Variants in ZNF277 observed in about 807,000 individuals in gnomAD.
ZNF277 encodes zinc finger protein 277, also known as nuclear receptor-interacting factor 4.
ZNF277 carries 55 observed loss-of-function variants against 60.7 expected under a neutral mutation model. That is an observed-to-expected ratio of 0.91 (90% CI 0.73 to 1.13). The LOEUF (loss-of-function observed/expected upper bound fraction) is 1.13, where lower values mean the gene tolerates loss of function less well. Ranked by LOEUF, ZNF277 falls within the 50% of genes most tolerant of loss-of-function variation. The probability of loss-of-function intolerance (pLI) is 0.00; values close to 1 mark genes in which losing one functional copy is unlikely to be tolerated. For missense variants in ZNF277, 510 were observed against 523.0 expected (o/e 0.98, Z 0.24); for synonymous variants, 178 against 179.3 (o/e 0.99, Z 0.06).
chr7:112,297,057 A>G (rs1471613293), intron 4 of ZNF277, among the ~76,000 whole-genome samples: 1 of 149,546 alleles, frequency 6.7e-6, no homozygotes, highest in Non-Finnish European at 1.5e-5. Flanking sequence ...CCTCCCGAGT[A>G]GCTGGGACTA....
At chr7:112,306,898 C>T (rs373636055) in intron 4 of ZNF277, among the ~76,000 whole-genome samples, 1 of 152,002 alleles carries the variant, frequency 6.6e-6, no homozygotes, top group Non-Finnish European at 1.5e-5. Context: ...TCAGGCCTGT[C>T]CTTACATCCA....
chr7:112,217,640 G>T (rs1286317800), intron 1 of ZNF277, among the ~76,000 whole-genome samples: 1 of 152,178 alleles, frequency 6.6e-6, no homozygotes, highest in Non-Finnish European at 1.5e-5. Context: ...GAAACAAAGA[G>T]ATAACAGCCC....
chr7:112,315,910 G>A (rs1792834683), intron 4 of ZNF277, among the ~76,000 whole-genome samples: 2 of 152,036 alleles, frequency 1.3e-5, no homozygotes, highest in Non-Finnish European at 2.9e-5. Context: ...AATGCTGCCC[G>A]ACCTCTCCAG....
At chr7:112,299,561 C>T (rs1792426631) in intron 4 of ZNF277, among the ~76,000 whole-genome samples, 3 of 152,226 alleles carry the variant, frequency 2.0e-5, no homozygotes. Context: ...TTTGAAGTCA[C>T]TCACTCTACC....
chr7:112,330,564 T>C (rs1204615570), intron 7 of ZNF277: 4 of 238,520 alleles, frequency 1.7e-5, no homozygotes, highest in African/African-American at 4.6e-5. Flanking sequence ...TTTTTTTTTT[T>C]TTTTTTTCTT....
chr7:112,235,044 AATTT>A (rs1438203407), intron 1 of ZNF277, among the ~76,000 whole-genome samples: 5 of 151,934 alleles, frequency 3.3e-5, no homozygotes, highest in African/African-American at 4.8e-5. Context: ...TGCCTGCAGA[AATTT>A]ATTTTATTCT....
chr7:112,309,712 C>T (rs972655239), intron 4 of ZNF277, among the ~76,000 whole-genome samples: 1 of 151,994 alleles, frequency 6.6e-6, no homozygotes, highest in African/African-American at 2.4e-5. Flanking sequence ...AGACTATCCT[C>T]ACTTCAAACA....
intron 1 of ZNF277, among the ~76,000 whole-genome samples, chr7:112,272,980 C>T (rs1238448422): frequency 6.6e-6 from 1 of 152,082 alleles, no homozygotes; most frequent in Non-Finnish European, 1.5e-5. Context: ...TTTTGATTTG[C>T]ATTTCTCTGA....
At chr7:112,287,309 A>G in intron 2 of ZNF277, 1 of 520,082 alleles carries the variant, frequency 1.9e-6, no homozygotes. Context: ...CATGAGTTCG[A>G]GGCTGCAGTG....
At chr7:112,240,472 C>T (rs1049007192) in intron 1 of ZNF277, among the ~76,000 whole-genome samples, 1 of 151,970 alleles carries the variant, frequency 6.6e-6, no homozygotes, top group African/African-American at 2.4e-5. Context: ...GTTGGATATC[C>T]CATTTGCCCT....
At chr7:112,321,136 C>G (rs1792972652) in intron 5 of ZNF277, among the ~76,000 whole-genome samples, 1 of 151,300 alleles carries the variant, frequency 6.6e-6, no homozygotes. Flanking sequence ...TTAGCCAGGA[C>G]AGTCTCGATC....
At chr7:112,305,652 C>A (rs1792571727) in intron 4 of ZNF277, among the ~76,000 whole-genome samples, 1 of 151,802 alleles carries the variant, frequency 6.6e-6, no homozygotes, top group Non-Finnish European at 1.5e-5. Context: ...GTATCCAAGT[C>A]AACTGTTTTC....
intron 1 of ZNF277, among the ~76,000 whole-genome samples, chr7:112,260,336 C>T (rs1339824327): frequency 1.3e-5 from 2 of 152,162 alleles, no homozygotes; most frequent in Non-Finnish European, 2.9e-5. Context: ...TTTACCCTCT[C>T]CAGTTTAGCT....
At chr7:112,230,386 A>C (rs930854987) in intron 1 of ZNF277, among the ~76,000 whole-genome samples, 6 of 152,258 alleles carry the variant, frequency 3.9e-5, no homozygotes, top group African/African-American at 1.4e-4. Flanking sequence ...GCTAAAAATC[A>C]GCTATGATTT....
At chr7:112,318,761 G>T (rs1012989094) in intron 5 of ZNF277, among the ~76,000 whole-genome samples, 1 of 151,998 alleles carries the variant, frequency 6.6e-6, no homozygotes. Flanking sequence ...CATATTTAAG[G>T]GCACAGGCTC....
At chr7:112,268,018 T>G (rs1306883140) in intron 1 of ZNF277, among the ~76,000 whole-genome samples, 1 of 152,184 alleles carries the variant, frequency 6.6e-6, no homozygotes, top group Non-Finnish European at 1.5e-5. Flanking sequence ...TGTGTGCCTA[T>G]TCTAGAAAGT....
At chr7:112,256,014 C>A (rs1791299033) in intron 1 of ZNF277, among the ~76,000 whole-genome samples, 1 of 152,150 alleles carries the variant, frequency 6.6e-6, no homozygotes, top group African/African-American at 2.4e-5. Flanking sequence ...ATTATCATTG[C>A]TTGTGTTGCT....
chr7:112,327,545 T>C (rs889097479), intron 5 of ZNF277, among the ~76,000 whole-genome samples, 172 bp from the exon 6 acceptor site: 1 of 152,238 alleles, frequency 6.6e-6, no homozygotes, highest in Admixed American at 6.5e-5. Flanking sequence ...GATGTGACTG[T>C]GTACACTTAC....
chr7:112,238,599 C>T (rs988594644), intron 1 of ZNF277, among the ~76,000 whole-genome samples: 3 of 152,148 alleles, frequency 2.0e-5, no homozygotes, highest in African/African-American at 7.2e-5. Context: ...GTTCGCGTCA[C>T]CCCACCCCAA....
Sources: allele counts gnomAD v4.1 joint callset (sites outside exome capture counted in the v4.1 genomes callset), GRCh38; gene constraint gnomAD v4.1.1; transcripts MANE v1.5; gene names NCBI Gene and HGNC (gene_info 2026-07-23, HGNC 2026-07-21).